The following GLIS3 variants were observed in gnomAD, a reference collection of about 807,000 sequenced individuals.
The protein encoded by GLIS3 is GLIS family zinc finger 3.
Under a neutral mutation model 78.6 loss-of-function variants are expected in GLIS3, and 53 were observed. The observed-to-expected ratio is 0.67, with a 90% CI of 0.54 to 0.85. The LOEUF (loss-of-function observed/expected upper bound fraction) is 0.85. Among genes scored for constraint, GLIS3 ranks in the 40% least tolerant of loss-of-function variants. The pLI is 0.00. For synonymous variants in GLIS3, 684 were observed against 509.9 expected (o/e 1.34, Z -4.60); for missense variants, 1,703 against 1,231.1 (o/e 1.38, Z -5.74).
intron 2 of GLIS3, among the ~76,000 whole-genome samples, chr9:4,266,295 T>C (rs959096803): frequency 6.6e-6 from 1 of 152,064 alleles, no homozygotes; most frequent in African/African-American, 2.4e-5. Context: ...AAAAAAATCT[T>C]TGCTTCAAGC....
At chr9:4,419,719 G>T in the GLIS3 span, among the ~76,000 whole-genome samples, 7 of 152,098 alleles carry the variant, frequency 4.6e-5, no homozygotes, top group Non-Finnish European at 7.4e-5. Flanking sequence ...GGCAGAAGTT[G>T]CAGTGAGCCG....
intron 3 of GLIS3, among the ~76,000 whole-genome samples, chr9:4,125,204 C>A (rs144566316): frequency 7.0e-4 from 107 of 152,286 alleles, no homozygotes; most frequent in African/African-American, 2.5e-3. Flanking sequence ...TGCTTTCTAT[C>A]TTTACTCTCT....
chr9:4,230,600 G>A (rs1027304189), intron 2 of GLIS3, among the ~76,000 whole-genome samples: 16 of 152,224 alleles, frequency 1.1e-4, no homozygotes, highest in African/African-American at 2.2e-4. Flanking sequence ...CTGCTTACTC[G>A]ATGCATCTGT....
At chr9:4,174,280 C>G (rs1248860404) in intron 2 of GLIS3, among the ~76,000 whole-genome samples, 1 of 152,064 alleles carries the variant, frequency 6.6e-6, no homozygotes, top group Non-Finnish European at 1.5e-5. Context: ...TGTATTATAC[C>G]TACTTAAAAC....
chr9:4,117,248 A>G (rs1831722743), intron 4 of GLIS3, among the ~76,000 whole-genome samples: 1 of 152,212 alleles, frequency 6.6e-6, no homozygotes, highest in Non-Finnish European at 1.5e-5. Flanking sequence ...CAACCCTGGA[A>G]GGTACAGAGC....
chr9:4,337,798 G>A (rs1171020123), intron 2 of GLIS3, among the ~76,000 whole-genome samples: 1 of 152,044 alleles, frequency 6.6e-6, no homozygotes. Flanking sequence ...TCAGTACCAG[G>A]CTCCACTATC....
At chr9:4,456,544 C>G in the GLIS3 span, among the ~76,000 whole-genome samples, 1 of 152,216 alleles carries the variant, frequency 6.6e-6, no homozygotes, top group Non-Finnish European at 1.5e-5. Context: ...AGTAGCACTT[C>G]TAATTTCTTC....
chr9:4,113,748 A>G (rs1310520360), intron 4 of GLIS3, among the ~76,000 whole-genome samples: 1 of 152,212 alleles, frequency 6.6e-6, no homozygotes, highest in Non-Finnish European at 1.5e-5. Context: ...GAATGGGGAC[A>G]TGGTCCCAGC....
chr9:3,909,622 T>G (rs968676635), intron 6 of GLIS3, among the ~76,000 whole-genome samples: 3 of 152,180 alleles, frequency 2.0e-5, no homozygotes, highest in Non-Finnish European at 4.4e-5. Flanking sequence ...AATACGTGAA[T>G]GGGTACACAT....
At chr9:4,012,783 T>C (rs1464148394) in intron 4 of GLIS3, among the ~76,000 whole-genome samples, 5 of 145,058 alleles carry the variant, frequency 3.4e-5, no homozygotes, top group Admixed American at 6.8e-5. Flanking sequence ...TTTTTTTTTT[T>C]TTTTTTGAGA....
intron 4 of GLIS3, among the ~76,000 whole-genome samples, chr9:4,055,460 T>C (rs1826068032): frequency 1.3e-5 from 2 of 152,194 alleles, no homozygotes; most frequent in South Asian, 2.1e-4. Flanking sequence ...AGTTCCAAGA[T>C]GATCAACAGA....
chr9:3,910,993 G>A (rs1462876125), intron 6 of GLIS3, among the ~76,000 whole-genome samples: 3 of 152,174 alleles, frequency 2.0e-5, no homozygotes, highest in African/African-American at 4.8e-5. Flanking sequence ...GTCTGACCAG[G>A]ACAGAATAAA....
At chr9:4,458,643 C>A in the GLIS3 span, among the ~76,000 whole-genome samples, 1 of 152,072 alleles carries the variant, frequency 6.6e-6, no homozygotes, top group African/African-American at 2.4e-5. Context: ...CAAAAATTAG[C>A]TGGGCATGGT....
chr9:4,049,421 A>ACCT (rs1444978861), intron 4 of GLIS3, among the ~76,000 whole-genome samples: 1 of 152,158 alleles, frequency 6.6e-6, no homozygotes, highest in Non-Finnish European at 1.5e-5. Flanking sequence ...CCATTAGTTG[A>ACCT]TGCCCATTCC....
intron 4 of GLIS3, among the ~76,000 whole-genome samples, chr9:3,997,037 T>C (rs150535492): frequency 2.0e-5 from 3 of 152,298 alleles, no homozygotes; most frequent in African/African-American, 7.2e-5. Context: ...TCTTCCTACA[T>C]GGCCTAGACA....
At chr9:4,436,462 C>G in the GLIS3 span, among the ~76,000 whole-genome samples, 3 of 152,072 alleles carry the variant, frequency 2.0e-5, no homozygotes, top group East Asian at 5.8e-4. Context: ...TCACTGCCAC[C>G]ATGACCCCCA....
chr9:3,828,306 G>C lies in GLIS3; in HGVS notation c.2759C>G (p.Pro920Arg), dbSNP rs769595764. ...FLQISTVDRC[P>R]SQLSSVYTEG ...GGTGTAGACAGAGGAGAGCTGGCTA[G>C]GACAGCGGTCCACGGTGCTGATCTG... The change falls in exon 11 of 11, where the codon CCT becomes CGT. Residue 920 changes from proline to arginine, a missense_variant. Coordinates refer to ENST00000381971, the MANE Select transcript of GLIS3 (RefSeq NM_001042413.2). 2 of 1,613,994 alleles carry C rather than the reference G, an allele frequency of 1.2e-6. No individual in the cohort carries two copies. The highest frequency in any genetic ancestry group is 1.7e-6 in the Non-Finnish European group (2 of 1,180,016).
At chr9:4,240,379 C>A (rs1401383624) in intron 2 of GLIS3, among the ~76,000 whole-genome samples, 1 of 152,164 alleles carries the variant, frequency 6.6e-6, no homozygotes, top group African/African-American at 2.4e-5. Flanking sequence ...CAGTCATGTT[C>A]ACTCACCCAC....
At chr9:4,241,712 T>A (rs1407121151) in intron 2 of GLIS3, among the ~76,000 whole-genome samples, 1 of 152,208 alleles carries the variant, frequency 6.6e-6, no homozygotes, top group Non-Finnish European at 1.5e-5. Flanking sequence ...AGTCTTGCTC[T>A]GTCTGGAATG....
Sources: gnomAD v4.1 joint callset for allele counts (sites outside exome capture counted in the v4.1 genomes callset) on GRCh38, gnomAD v4.1.1 for gene constraint, MANE v1.5 for transcripts, NCBI Gene and HGNC (gene_info 2026-07-23, HGNC 2026-07-21) for gene names.